Variants in KHDRBS1 observed in about 807,000 individuals in gnomAD.
KHDRBS1 encodes KH domain-containing, RNA-binding, signal transduction-associated protein 1.
Under a neutral mutation model 48.4 loss-of-function variants are expected in KHDRBS1, and 7 were observed. The ratio of observed to expected loss-of-function variants is 0.14; its 90% confidence interval spans 0.08 to 0.27. The LOEUF (loss-of-function observed/expected upper bound fraction) is 0.27, where lower values mean the gene tolerates loss of function less well. Among genes scored for constraint, KHDRBS1 ranks in the 10% least tolerant of loss-of-function variants. The probability of loss-of-function intolerance (pLI) is 1.00; values close to 1 mark genes in which losing one functional copy is unlikely to be tolerated. For missense variants in KHDRBS1, 458 were observed against 601.2 expected (o/e 0.76, Z 2.49); for synonymous variants, 241 against 235.8 (o/e 1.02, Z -0.20).
downstream of KHDRBS1, among the ~76,000 whole-genome samples, chr1:32,048,308 G>A (rs1041249380): frequency 2.0e-5 from 3 of 152,154 alleles, no homozygotes; most frequent in African/African-American, 7.2e-5. Flanking sequence ...AGGAGTTCAA[G>A]ACAAGCCGGG....
chr1:32,058,544 G>A (rs1020579321), intron 10 of KHDRBS1, among the ~76,000 whole-genome samples: 7 of 152,206 alleles, frequency 4.6e-5, no homozygotes, highest in Non-Finnish European at 1.0e-4. Flanking sequence ...GAGGGGGGGT[G>A]TGGAAAATGA....
chr1:32,046,328 C>T (rs1639356115), downstream of KHDRBS1, among the ~76,000 whole-genome samples: 1 of 152,088 alleles, frequency 6.6e-6, no homozygotes, highest in East Asian at 1.9e-4. Context: ...ATTCTCCTGT[C>T]TCAGCCTCCC....
At chr1:32,019,858 A>G (rs1376139110) in intron 1 of KHDRBS1, among the ~76,000 whole-genome samples, 2 of 151,956 alleles carry the variant, frequency 1.3e-5, no homozygotes, top group East Asian at 1.9e-4. Context: ...TGCTACCTCT[A>G]CCTTTCGGTT....
intron 5 of KHDRBS1, 93 bp from the exon 6 acceptor site, chr1:32,037,742 A>T: frequency 7.2e-7 from 1 of 1,392,826 alleles, no homozygotes; most frequent in South Asian, 1.2e-5. Flanking sequence ...GGCTTCATAA[A>T]ATCTGCCTAA....
chr1:32,021,618 TG>T (rs1448529384), intron 1 of KHDRBS1, among the ~76,000 whole-genome samples: 1 of 152,118 alleles, frequency 6.6e-6, no homozygotes, highest in African/African-American at 2.4e-5. Flanking sequence ...CATACTTTTT[TG>T]TATTTGTTTT....
At chr1:32,049,823 G>A (rs1429040141) in intron 10 of KHDRBS1, among the ~76,000 whole-genome samples, 5 of 151,898 alleles carry the variant, frequency 3.3e-5, no homozygotes, top group African/African-American at 9.7e-5. Flanking sequence ...CACCACACCC[G>A]GCTAATTCTT....
downstream of KHDRBS1, among the ~76,000 whole-genome samples, chr1:32,046,315 G>A (rs1325785195): frequency 6.6e-6 from 1 of 152,034 alleles, no homozygotes; most frequent in Non-Finnish European, 1.5e-5. Flanking sequence ...CTGGGTTCAA[G>A]CAATTCTCCT....
intron 1 of KHDRBS1, among the ~76,000 whole-genome samples, chr1:32,014,923 G>A (rs1236663201): frequency 6.6e-6 from 1 of 152,212 alleles, no homozygotes; most frequent in African/African-American, 2.4e-5. Context: ...AGCTTAAGTT[G>A]CTGGGAGGAA....
intron 5 of KHDRBS1, 141 bp from the exon 6 acceptor site, chr1:32,037,694 C>T: frequency 2.2e-6 from 2 of 908,982 alleles, no homozygotes; most frequent in East Asian, 2.4e-5. Context: ...GTCCTTTACC[C>T]TGTACATTCC....
At chr1:32,041,310 G>A (rs367981859) in intron 8 of KHDRBS1, among the ~76,000 whole-genome samples, 2 of 152,320 alleles carry the variant, frequency 1.3e-5, no homozygotes, top group African/African-American at 4.8e-5. Flanking sequence ...CTTTAGATCT[G>A]TATAGGAGTT....
intron 4 of KHDRBS1, 110 bp from the exon 5 acceptor site, chr1:32,036,800 A>T (rs1373296252): frequency 8.3e-7 from 1 of 1,208,130 alleles, no homozygotes; most frequent in African/African-American, 1.5e-5. Context: ...CTGAGACCTC[A>T]TCTGGGCTCT....
At chr1:32,028,466 A>ATATATATACACGTATATATATATAC (rs1639017367) in intron 1 of KHDRBS1, among the ~76,000 whole-genome samples, 3 of 147,364 alleles carry the variant, frequency 2.0e-5, no homozygotes, top group Admixed American at 6.8e-5. Context: ...TAGGGAGTAT[A>ATATATATACACGTATATATATATAC]TATATATACA....
In KHDRBS1 at chr1:32,042,935, TA is replaced by T. The variant is rs901123254; in HGVS notation, c.*323del. 6.4e-3 allele frequency: 999 copies of T among 155,656 alleles called. No individual in the cohort carries two copies. The highest frequency in any genetic ancestry group is 0.012 in the Middle Eastern group (4 of 344). The allele number at this position is 155,656 out of a possible 1,614,324, so 9.6% of individuals were successfully genotyped here. ...TTTATAATAAAAAAAAGAAGTTGAG[TA>T]AAAAAAAAAAACACACAAACCTGTT... On this transcript the variant is annotated 3_prime_UTR_variant, in exon 9 of 9. Transcript: ENST00000327300.
intron 10 of KHDRBS1, among the ~76,000 whole-genome samples, chr1:32,056,383 C>T (rs1639479953): frequency 6.6e-6 from 1 of 152,140 alleles, no homozygotes; most frequent in Non-Finnish European, 1.5e-5. Context: ...AGTCTATCAG[C>T]CCAGATTAAT....
intron 1 of KHDRBS1, among the ~76,000 whole-genome samples, chr1:32,016,149 G>T (rs1638735490): frequency 6.8e-6 from 1 of 146,608 alleles, no homozygotes; most frequent in Non-Finnish European, 1.5e-5. Context: ...TTACACTCCA[G>T]CCTGGGCAAC....
At chr1:32,038,845 A>G (rs1343090449) in intron 7 of KHDRBS1, among the ~76,000 whole-genome samples, 3 of 152,198 alleles carry the variant, frequency 2.0e-5, no homozygotes, top group South Asian at 2.1e-4. Flanking sequence ...GCGTGCCACC[A>G]TGCAATGCTT....
At chr1:32,037,307 C>T (rs1030879659) in intron 5 of KHDRBS1, among the ~76,000 whole-genome samples, 3 of 151,996 alleles carry the variant, frequency 2.0e-5, no homozygotes, top group Admixed American at 6.6e-5. Flanking sequence ...CAAAAATTAT[C>T]CAGGTGTGGT....
chr1:32,028,708 T>C (rs1639023698), intron 1 of KHDRBS1, among the ~76,000 whole-genome samples: 1 of 151,568 alleles, frequency 6.6e-6, no homozygotes, highest in African/African-American at 2.4e-5. Flanking sequence ...GGTTTCACCG[T>C]GTTAGCCAGG....
At chr1:32,027,240 A>G (rs1638993428) in intron 1 of KHDRBS1, among the ~76,000 whole-genome samples, 1 of 152,294 alleles carries the variant, frequency 6.6e-6, no homozygotes. Flanking sequence ...CCTGTTCCAC[A>G]TTATTAAAAG....
Sources: gnomAD v4.1 joint callset for allele counts (sites outside exome capture counted in the v4.1 genomes callset) on GRCh38, gnomAD v4.1.1 for gene constraint, MANE v1.5 for transcripts, NCBI Gene and HGNC (gene_info 2026-07-23, HGNC 2026-07-21) for gene names.